The following MOB1B variants were observed in gnomAD, a reference collection of about 807,000 sequenced individuals.
MOB1B encodes the protein MOB1 Mps One Binder homolog B.
A neutral mutation model predicts 24.4 loss-of-function variants in MOB1B; 19 were observed. The observed-to-expected ratio is 0.78, with a 90% CI of 0.54 to 1.14. The LOEUF (loss-of-function observed/expected upper bound fraction) is 1.14, where lower values mean the gene tolerates loss of function less well. Among genes scored for constraint, MOB1B ranks in the 50% most tolerant of loss-of-function variants. MOB1B has a pLI of 0.00. For synonymous variants in MOB1B, 76 were observed against 82.1 expected, an observed-to-expected ratio of 0.93 and a Z score of 0.40; for missense variants, 243 against 259.6, an observed-to-expected ratio of 0.94 and a Z score of 0.44.
intron 1 of MOB1B, chr4:70,950,892 T>C: frequency 2.5e-6 from 2 of 791,870 alleles, no homozygotes; most frequent in Non-Finnish European, 4.2e-6. Context: ...GTAGGTATTA[T>C]TATCTCCATT....
At chr4:70,932,646 C>T (rs1489145095) in intron 1 of MOB1B, among the ~76,000 whole-genome samples, 2 of 152,134 alleles carry the variant, frequency 1.3e-5, no homozygotes, top group South Asian at 2.1e-4. Context: ...GATTCCAGAG[C>T]CATAGGACTC....
chr4:70,959,118 A>G, intron 2 of MOB1B, 78 bp downstream of exon 2: 2 of 1,192,778 alleles, frequency 1.7e-6, no homozygotes, highest in Non-Finnish European at 1.2e-6. Flanking sequence ...GGTGCTGTCC[A>G]TTCTAGGATT....
intron 1 of MOB1B, among the ~76,000 whole-genome samples, chr4:70,939,636 C>T (rs1176184713): frequency 6.6e-6 from 1 of 152,170 alleles, no homozygotes; most frequent in Non-Finnish European, 1.5e-5. Flanking sequence ...CCCTTGTCCC[C>T]CTTAAAGGGT....
At chr4:70,903,955 C>G (rs942152276) in intron 1 of MOB1B, among the ~76,000 whole-genome samples, 1 of 131,010 alleles carries the variant, frequency 7.6e-6, no homozygotes, top group Admixed American at 7.7e-5. Flanking sequence ...TAAAAAAGTC[C>G]TTGTTTCTTA....
intron 1 of MOB1B, among the ~76,000 whole-genome samples, chr4:70,947,933 T>A (rs1737652525): frequency 3.3e-5 from 5 of 152,240 alleles, no homozygotes; most frequent in Admixed American, 3.3e-4. Context: ...TAAACTTTAA[T>A]GAAGTCTAAT....
At chr4:70,971,921 T>C (rs1738771434) in intron 3 of MOB1B, among the ~76,000 whole-genome samples, 1 of 150,524 alleles carries the variant, frequency 6.6e-6, no homozygotes, top group Non-Finnish European at 1.5e-5. Context: ...TTCTTTCCCT[T>C]CCTTTCTCCC....
chr4:70,925,614 CT>C (rs1736618155), intron 1 of MOB1B, among the ~76,000 whole-genome samples: 1 of 151,972 alleles, frequency 6.6e-6, no homozygotes, highest in Non-Finnish European at 1.5e-5. Flanking sequence ...TTGGCACCAC[CT>C]AGGAGTATGT....
intron 1 of MOB1B, among the ~76,000 whole-genome samples, chr4:70,950,003 A>G (rs1425702984): frequency 1.3e-5 from 2 of 152,166 alleles, no homozygotes; most frequent in Non-Finnish European, 2.9e-5. Context: ...GCCTATTAAT[A>G]ACTCTCTTGG....
At chr4:70,977,661 C>CA (rs1351708841) in intron 4 of MOB1B, among the ~76,000 whole-genome samples, 2 of 151,992 alleles carry the variant, frequency 1.3e-5, no homozygotes, top group Admixed American at 6.6e-5. Flanking sequence ...TCTCATTTAG[C>CA]AAAAATCCTG....
At chr4:70,959,691 G>A (rs778475900) in intron 2 of MOB1B, among the ~76,000 whole-genome samples, 2 of 152,016 alleles carry the variant, frequency 1.3e-5, no homozygotes, top group African/African-American at 2.4e-5. Context: ...TATGATGTAG[G>A]TATGATTATT....
chr4:70,923,566 A>C (rs1736524416), intron 1 of MOB1B, among the ~76,000 whole-genome samples: 1 of 152,094 alleles, frequency 6.6e-6, no homozygotes, highest in Non-Finnish European at 1.5e-5. Context: ...TCTCAAATTG[A>C]AATTTGATGA....
rs777941556 is a variant in MOB1B, at chr4:70,902,518, AGCCTGCCCCGCG to A, written c.-15_-4del. 1 of 1,562,730 alleles carries A rather than the reference AGCCTGCCCCGCG, an allele frequency of 6.4e-7. No individual in the cohort carries two copies. Among genetic ancestry groups the A allele is most frequent in the Admixed American group, 1.9e-5 (1 of 52,872 alleles). ...GAGGCCTCGCGACCGCCGAGCCTGCAGCCTGCCCCGCGGCCAACATGAGCTTCTTGTTGTGAG... is the reference window on the plus strand; with the variant it reads ...GAGGCCTCGCGACCGCCGAGCCTGCAGCCAACATGAGCTTCTTGTTGTGAG... On this transcript the variant is annotated 5_prime_UTR_variant, in exon 1 of 6. Transcript: ENST00000309395.
chr4:70,906,146 GGT>G (rs1290093549), intron 1 of MOB1B, among the ~76,000 whole-genome samples: 2 of 152,074 alleles, frequency 1.3e-5, no homozygotes, highest in Non-Finnish European at 2.9e-5. Context: ...GGGAGGCCGA[GGT>G]GGGTGGATCA....
intron 1 of MOB1B, among the ~76,000 whole-genome samples, chr4:70,916,907 T>C (rs1306567468): frequency 6.6e-6 from 1 of 152,206 alleles, no homozygotes; most frequent in Non-Finnish European, 1.5e-5. Context: ...GATGTATTTC[T>C]CTATAGGCCA....
chr4:70,972,959 G>C (rs1738822405), intron 3 of MOB1B, among the ~76,000 whole-genome samples: 1 of 151,842 alleles, frequency 6.6e-6, no homozygotes, highest in South Asian at 2.1e-4. Flanking sequence ...ATTTTTAGTA[G>C]AGACGGGGTT....
intron 1 of MOB1B, among the ~76,000 whole-genome samples, chr4:70,943,871 TAAA>T (rs940351838): frequency 6.7e-6 from 1 of 149,226 alleles, no homozygotes. Context: ...TCAATCAAAA[TAAA>T]AAAAAACAAA....
chr4:70,930,862 T>C (rs1736863563), intron 1 of MOB1B, among the ~76,000 whole-genome samples: 2 of 152,174 alleles, frequency 1.3e-5, no homozygotes, highest in Non-Finnish European at 2.9e-5. Flanking sequence ...ATTCTAGGTA[T>C]TGGGGAGCAT....
chr4:70,938,246 T>C (rs1301920231), intron 1 of MOB1B, among the ~76,000 whole-genome samples: 2 of 150,744 alleles, frequency 1.3e-5, no homozygotes, highest in Non-Finnish European at 2.9e-5. Flanking sequence ...AGCTAGGTTA[T>C]TTCCTTGAAG....
chr4:70,933,981 G>A (rs1239978926), intron 1 of MOB1B, among the ~76,000 whole-genome samples: 1 of 152,176 alleles, frequency 6.6e-6, no homozygotes, highest in Non-Finnish European at 1.5e-5. Flanking sequence ...GAGGCCAGGA[G>A]TTCAAGACCA....
Sources: gnomAD v4.1 joint callset for allele counts (sites outside exome capture counted in the v4.1 genomes callset) on GRCh38, gnomAD v4.1.1 for gene constraint, MANE v1.5 for transcripts, NCBI Gene and HGNC (gene_info 2026-07-23, HGNC 2026-07-21) for gene names.